HTR1F: variants seen among roughly 807,000 people sequenced by gnomAD.
HTR1F encodes 5-hydroxytryptamine receptor 1F, also known as 5-hydroxytryptamine (serotonin) receptor 1F, G protein-coupled.
Under a neutral mutation model 24.0 loss-of-function variants are expected in HTR1F, and 17 were observed. That is an observed-to-expected ratio of 0.71 (90% CI 0.48 to 1.06). The LOEUF (loss-of-function observed/expected upper bound fraction) is 1.06. Ranked by LOEUF, HTR1F falls within the 50% of genes least tolerant of loss-of-function variation. The pLI, the probability that HTR1F is intolerant of heterozygous loss-of-function variation, is 0.00. For synonymous variants in HTR1F, 186 were observed against 156.8 expected, an observed-to-expected ratio of 1.19 and a Z score of -1.39; for missense variants, 391 against 427.8, an observed-to-expected ratio of 0.91 and a Z score of 0.76.
chr3:87,953,806 T>C (rs890549725), intron 2 of HTR1F, among the ~76,000 whole-genome samples: 3 of 151,716 alleles, frequency 2.0e-5, no homozygotes, highest in Non-Finnish European at 4.4e-5. Context: ...GATGGCTAAA[T>C]AGATAAAGAA....
chr3:87,806,210 T>C (rs989265733), intron 1 of HTR1F, among the ~76,000 whole-genome samples: 2 of 152,168 alleles, frequency 1.3e-5, no homozygotes, highest in Admixed American at 6.6e-5. Context: ...AATGCTGCAA[T>C]AAACATTTAA....
intron 2 of HTR1F, among the ~76,000 whole-genome samples, chr3:87,897,706 T>C (rs1706232708): frequency 6.6e-6 from 1 of 152,064 alleles, no homozygotes; most frequent in South Asian, 2.1e-4. Flanking sequence ...AAAGCACACA[T>C]GTGGACTTTC....
chr3:87,817,335 C>G (rs1704267550), intron 1 of HTR1F, among the ~76,000 whole-genome samples: 1 of 152,112 alleles, frequency 6.6e-6, no homozygotes, highest in Non-Finnish European at 1.5e-5. Flanking sequence ...AAGTACATCT[C>G]TATATAGTGT....
At chr3:87,918,833 C>T (rs1455927231) in intron 2 of HTR1F, among the ~76,000 whole-genome samples, 2 of 152,012 alleles carry the variant, frequency 1.3e-5, no homozygotes, top group African/African-American at 4.8e-5. Context: ...CAGTCTCCAT[C>T]AGAATACCAC....
chr3:87,971,842 G>T (rs1705292216), intron 2 of HTR1F, among the ~76,000 whole-genome samples: 1 of 152,076 alleles, frequency 6.6e-6, no homozygotes. Context: ...ATAAAGAGCT[G>T]CTTTGTTCAT....
At chr3:87,859,998 G>T (rs1278731097) in intron 2 of HTR1F, among the ~76,000 whole-genome samples, 1 of 152,012 alleles carries the variant, frequency 6.6e-6, no homozygotes, top group Non-Finnish European at 1.5e-5. Flanking sequence ...TAACAAAAAG[G>T]CAGAAACATG....
At chr3:87,840,146 G>T (rs1470722358) in intron 2 of HTR1F, among the ~76,000 whole-genome samples, 1 of 152,062 alleles carries the variant, frequency 6.6e-6, no homozygotes, top group African/African-American at 2.4e-5. Context: ...CAGGGTTGCT[G>T]AGTCTTCTTT....
At chr3:87,865,325 A>C (rs554583683) in intron 2 of HTR1F, among the ~76,000 whole-genome samples, 1 of 152,120 alleles carries the variant, frequency 6.6e-6, no homozygotes, top group East Asian at 1.9e-4. Flanking sequence ...GAAATTTAAA[A>C]TATATTATTA....
chr3:87,901,971 G>T (rs573256956), intron 2 of HTR1F, among the ~76,000 whole-genome samples: 41 of 152,118 alleles, frequency 2.7e-4, no homozygotes, highest in South Asian at 6.2e-4. Context: ...ACCATAGTTA[G>T]AAAGCCTCAA....
At chr3:87,928,049 T>C (rs1231526637) in intron 2 of HTR1F, among the ~76,000 whole-genome samples, 1 of 51,164 alleles carries the variant, frequency 2.0e-5, no homozygotes, top group Non-Finnish European at 3.7e-5. Flanking sequence ...TATCTTTGCT[T>C]TTTTTTTTTT....
At chr3:87,965,300 T>G (rs772659174) in intron 2 of HTR1F, among the ~76,000 whole-genome samples, 4 of 152,218 alleles carry the variant, frequency 2.6e-5, no homozygotes, top group Admixed American at 1.3e-4. Flanking sequence ...GTGACATACA[T>G]TTCTAAGCGA....
intron 2 of HTR1F, among the ~76,000 whole-genome samples, chr3:87,951,463 G>A (rs1704831924): frequency 6.6e-6 from 1 of 152,072 alleles, no homozygotes; most frequent in African/African-American, 2.4e-5. Flanking sequence ...ATTGAAGTGT[G>A]TTGGTACATT....
chr3:87,931,387 C>T (rs571057980), intron 2 of HTR1F, among the ~76,000 whole-genome samples: 2 of 152,220 alleles, frequency 1.3e-5, no homozygotes, highest in South Asian at 2.1e-4. Flanking sequence ...CTCATCATTT[C>T]TTATGGCTGC....
intron 2 of HTR1F, among the ~76,000 whole-genome samples, chr3:87,954,958 A>T (rs1437410395): frequency 6.6e-6 from 1 of 151,314 alleles, no homozygotes; most frequent in Non-Finnish European, 1.5e-5. Context: ...ACTTTATGCT[A>T]TATTCTGCTT....
chr3:87,868,327 AT>A (rs773166813), intron 2 of HTR1F, among the ~76,000 whole-genome samples: 17 of 151,996 alleles, frequency 1.1e-4, no homozygotes, highest in African/African-American at 3.9e-4. Context: ...AGATTATGTG[AT>A]TTTTTTCTCT....
At chr3:87,873,607 T>C (rs1202197061) in intron 2 of HTR1F, among the ~76,000 whole-genome samples, 8 of 152,202 alleles carry the variant, frequency 5.3e-5, no homozygotes, top group Non-Finnish European at 1.0e-4. Flanking sequence ...ACCAACTATC[T>C]GGGCATCCTT....
intron 2 of HTR1F, among the ~76,000 whole-genome samples, chr3:87,855,338 C>T (rs1202837551): frequency 6.6e-6 from 1 of 151,988 alleles, no homozygotes; most frequent in African/African-American, 2.4e-5. Context: ...TTTTCCTCTT[C>T]CTGATAATCC....
intron 2 of HTR1F, among the ~76,000 whole-genome samples, chr3:87,897,374 T>C (rs1330614965): frequency 2.6e-5 from 4 of 151,982 alleles, no homozygotes; most frequent in Non-Finnish European, 5.9e-5. Context: ...TGATCTCATT[T>C]ATATGTGAAA....
chr3:87,897,233 G>A (rs1046774917), intron 2 of HTR1F, among the ~76,000 whole-genome samples: 1 of 126,784 alleles, frequency 7.9e-6, no homozygotes, highest in African/African-American at 3.8e-5. Flanking sequence ...ATATATAAAT[G>A]TTTTATATAT....
Sources: gnomAD v4.1 joint callset for allele counts (sites outside exome capture counted in the v4.1 genomes callset) on GRCh38, gnomAD v4.1.1 for gene constraint, MANE v1.5 for transcripts, NCBI Gene and HGNC (gene_info 2026-07-23, HGNC 2026-07-21) for gene names.